The following TASP1 variants were observed in gnomAD, a reference collection of about 807,000 sequenced individuals.
TASP1 encodes the protein taspase 1.
TASP1 carries 16 observed loss-of-function variants against 56.6 expected under a neutral mutation model. That is an observed-to-expected ratio of 0.28 (90% CI 0.19 to 0.43). TASP1 has a LOEUF of 0.43. Ranked by LOEUF, TASP1 falls within the 20% of genes least tolerant of loss-of-function variation. The pLI is 1.00. For synonymous variants in TASP1, 179 were observed against 184.2 expected, an observed-to-expected ratio of 0.97 and a Z score of 0.23; for missense variants, 393 against 511.6, an observed-to-expected ratio of 0.77 and a Z score of 2.24.
the TASP1 span, among the ~76,000 whole-genome samples, chr20:13,210,573 G>T: frequency 6.6e-6 from 1 of 151,714 alleles, no homozygotes; most frequent in Non-Finnish European, 1.5e-5. Flanking sequence ...ATGTATATTT[G>T]CATGTGCAGA....
chr20:13,423,252 C>G (rs2042508424), intron 12 of TASP1, among the ~76,000 whole-genome samples: 1 of 151,992 alleles, frequency 6.6e-6, no homozygotes, highest in Non-Finnish European at 1.5e-5. Flanking sequence ...GATCACAAGC[C>G]ACAGTAAAAT....
intron 8 of TASP1, among the ~76,000 whole-genome samples, chr20:13,537,813 G>T (rs2045470212): frequency 6.6e-6 from 1 of 152,018 alleles, no homozygotes; most frequent in African/African-American, 2.4e-5. Flanking sequence ...CAATAAATAA[G>T]CAGTCCCTGT....
At chr20:13,541,888 A>G (rs111432448) in intron 8 of TASP1, among the ~76,000 whole-genome samples, 12 of 152,164 alleles carry the variant, frequency 7.9e-5, no homozygotes, top group African/African-American at 2.9e-4. Flanking sequence ...TACTAAAAAT[A>G]CAAAACATGA....
At chr20:13,136,373 G>A in the TASP1 span, among the ~76,000 whole-genome samples, 1 of 151,982 alleles carries the variant, frequency 6.6e-6, no homozygotes, top group Non-Finnish European at 1.5e-5. Context: ...AAGGCAGGTG[G>A]ATCACCCGAG....
At chr20:13,212,221 A>T in the TASP1 span, among the ~76,000 whole-genome samples, 1 of 152,120 alleles carries the variant, frequency 6.6e-6, no homozygotes, top group South Asian at 2.1e-4. Context: ...GCCTCCATAT[A>T]CTTTTTCTCT....
At chr20:13,218,243 T>C in the TASP1 span, among the ~76,000 whole-genome samples, 1 of 141,238 alleles carries the variant, frequency 7.1e-6, no homozygotes, top group African/African-American at 2.7e-5. Context: ...AGAGTGACTC[T>C]GTCAAAAAAA....
chr20:13,172,382 T>G, the TASP1 span, among the ~76,000 whole-genome samples: 1 of 152,280 alleles, frequency 6.6e-6, no homozygotes, highest in Admixed American at 6.5e-5. Flanking sequence ...AATTTTCACA[T>G]CTGTTAACAG....
the TASP1 span, among the ~76,000 whole-genome samples, chr20:13,283,174 G>A: frequency 6.6e-6 from 1 of 152,082 alleles, no homozygotes; most frequent in African/African-American, 2.4e-5. Flanking sequence ...CAAAAGTGCT[G>A]GGATTTTAAT....
chr20:13,630,120 C>A lies in TASP1; in HGVS notation c.-42G>T. 6.3e-7 allele frequency: 1 copy of A among 1,585,590 alleles called. No individual in the cohort carries two copies. The highest frequency in any genetic ancestry group is 8.6e-7 in the Non-Finnish European group (1 of 1,169,362). On this transcript the variant is annotated 5_prime_UTR_variant, in exon 2 of 14. It introduces an in-frame stop codon into an upstream open reading frame of the 5' UTR. Transcript: ENST00000337743. ...CTTCTACTGAGAAAGGGGCATACTT[C>A]CATCCAAAAGTAATTGCAGGAGAGG...
intron 12 of TASP1, 37 bp from the exon 13 acceptor site, chr20:13,417,558 T>G: frequency 6.2e-7 from 1 of 1,607,166 alleles, no homozygotes; most frequent in Non-Finnish European, 8.5e-7. Context: ...CACATTCAGA[T>G]CACAGATGGA....
At chr20:13,541,961 C>T (rs983636049) in intron 8 of TASP1, among the ~76,000 whole-genome samples, 14 of 150,976 alleles carry the variant, frequency 9.3e-5, no homozygotes, top group South Asian at 8.3e-4. Context: ...AGGAGAATTG[C>T]TTGAACCCGG....
At chr20:13,197,271 G>A in the TASP1 span, among the ~76,000 whole-genome samples, 1 of 152,154 alleles carries the variant, frequency 6.6e-6, no homozygotes, top group Non-Finnish European at 1.5e-5. Flanking sequence ...ACCTAACACA[G>A]ACCTAGCTCA....
At chr20:13,243,488 T>A in the TASP1 span, among the ~76,000 whole-genome samples, 53 of 152,336 alleles carry the variant, frequency 3.5e-4, no homozygotes, top group Non-Finnish European at 6.3e-4. Flanking sequence ...ATATGGCTTA[T>A]GCTTTTAAGA....
chr20:13,336,525 T>C, the TASP1 span, among the ~76,000 whole-genome samples: 1 of 152,084 alleles, frequency 6.6e-6, no homozygotes, highest in Non-Finnish European at 1.5e-5. Flanking sequence ...CTCTGATGCC[T>C]ATGAAGGTCT....
At chr20:13,232,399 A>G in the TASP1 span, among the ~76,000 whole-genome samples, 1 of 152,272 alleles carries the variant, frequency 6.6e-6, no homozygotes, top group Non-Finnish European at 1.5e-5. Flanking sequence ...AGTGGAATAC[A>G]GAATGCATAG....
intron 4 of TASP1, among the ~76,000 whole-genome samples, chr20:13,604,800 T>C (rs2048087331): frequency 1.3e-5 from 2 of 152,106 alleles, no homozygotes; most frequent in South Asian, 4.1e-4. Context: ...TGCAGATCTG[T>C]GGAAATCTGA....
At chr20:13,517,187 G>A (rs903187524) in intron 10 of TASP1, among the ~76,000 whole-genome samples, 2 of 152,052 alleles carry the variant, frequency 1.3e-5, no homozygotes, top group Admixed American at 1.3e-4. Flanking sequence ...TTGGCAAGAA[G>A]GTTTCCTATA....
the TASP1 span, among the ~76,000 whole-genome samples, chr20:13,268,150 T>TCTTCTCTTCTCTTCTCTTCC: frequency 2.8e-5 from 4 of 141,508 alleles, no homozygotes; most frequent in African/African-American, 8.0e-5. Context: ...TCTTCTCTTC[T>TCTTCTCTTCTCTTCTCTTCC]CTTCCCTTCC....
intron 6 of TASP1, 95 bp downstream of exon 6, chr20:13,580,802 A>C: frequency 8.2e-7 from 1 of 1,213,896 alleles, no homozygotes; most frequent in Non-Finnish European, 1.2e-6. Flanking sequence ...CTTCTTCGCA[A>C]AGGCATGCTA....
Sources: allele counts gnomAD v4.1 joint callset (sites outside exome capture counted in the v4.1 genomes callset), GRCh38; gene constraint gnomAD v4.1.1; transcripts MANE v1.5; gene names NCBI Gene and HGNC (gene_info 2026-07-23, HGNC 2026-07-21).